The following NFIB variants were observed in gnomAD, a reference collection of about 807,000 sequenced individuals.
The protein encoded by NFIB is nuclear factor I B.
Under a neutral mutation model 61.5 loss-of-function variants are expected in NFIB, and 11 were observed. That is an observed-to-expected ratio of 0.18 (90% CI 0.11 to 0.30). The LOEUF (loss-of-function observed/expected upper bound fraction) is 0.30, where lower values mean the gene tolerates loss of function less well. Ranked by LOEUF, NFIB falls within the 10% of genes least tolerant of loss-of-function variation. The pLI is 1.00. For missense variants in NFIB, 471 were observed against 608.9 expected, an observed-to-expected ratio of 0.77 and a Z score of 2.38; for synonymous variants, 260 against 216.5, an observed-to-expected ratio of 1.20 and a Z score of -1.76.
At chr9:14,315,448 A>C (rs1383143650), upstream of NFIB, among the ~76,000 whole-genome samples, 2 of 145,580 alleles carry the variant, frequency 1.4e-5, no homozygotes, top group African/African-American at 5.0e-5. Flanking sequence ...CTGGCTCCCA[A>C]TCCCCACCCC....
chr9:14,151,321 G>A (rs939072539), intron 4 of NFIB, among the ~76,000 whole-genome samples: 38 of 152,076 alleles, frequency 2.5e-4, no homozygotes, highest in African/African-American at 8.9e-4. Context: ...AGAGGAAGAG[G>A]TATAAATGAA....
At chr9:14,264,387 A>T (rs944247340) in intron 2 of NFIB, among the ~76,000 whole-genome samples, 8 of 152,320 alleles carry the variant, frequency 5.3e-5, no homozygotes, top group African/African-American at 1.9e-4. Flanking sequence ...ATTCAAAAGT[A>T]CGTGCCCAAT....
intron 1 of NFIB, among the ~76,000 whole-genome samples, chr9:14,350,444 G>A (rs1159117867): frequency 6.9e-5 from 10 of 145,580 alleles, no homozygotes; most frequent in Non-Finnish European, 1.5e-4. Flanking sequence ...GTTGCTACCT[G>A]CCCTTGCCTC....
At chr9:14,417,533 T>C in the NFIB span, among the ~76,000 whole-genome samples, 21 of 152,292 alleles carry the variant, frequency 1.4e-4, no homozygotes, top group African/African-American at 4.6e-4. Flanking sequence ...TGCAGTGAAG[T>C]AGTTGGGCTG....
intron 2 of NFIB, among the ~76,000 whole-genome samples, chr9:14,251,678 A>G (rs928062537): frequency 3.9e-5 from 6 of 152,202 alleles, no homozygotes; most frequent in Admixed American, 2.0e-4. Flanking sequence ...GGGCCACTGG[A>G]GCCTCCTGCA....
At chr9:14,524,692 G>A in the NFIB span, among the ~76,000 whole-genome samples, 1 of 152,092 alleles carries the variant, frequency 6.6e-6, no homozygotes, top group Non-Finnish European at 1.5e-5. Context: ...GTTATCTGAA[G>A]GATTAATACT....
At chr9:14,249,736 G>A (rs1478428085) in intron 2 of NFIB, among the ~76,000 whole-genome samples, 1 of 152,046 alleles carries the variant, frequency 6.6e-6, no homozygotes, top group Non-Finnish European at 1.5e-5. Context: ...AAGAAATGAG[G>A]AAGGAGGGAG....
the NFIB span, among the ~76,000 whole-genome samples, chr9:14,440,804 T>A: frequency 5.3e-3 from 808 of 152,308 alleles, 3 homozygotes; most frequent in South Asian, 0.03. Flanking sequence ...AAGTTTATAA[T>A]CTGGGAACAT....
At chr9:14,222,795 C>CA (rs58787088) in intron 2 of NFIB, among the ~76,000 whole-genome samples, 7 of 86,770 alleles carry the variant, frequency 8.1e-5, no homozygotes, top group East Asian at 3.1e-4. Flanking sequence ...GATCCTGTCT[C>CA]AAAAAAAAAA....
At chr9:14,428,685 C>G in the NFIB span, among the ~76,000 whole-genome samples, 5 of 152,200 alleles carry the variant, frequency 3.3e-5, no homozygotes, top group African/African-American at 1.2e-4. Context: ...GCCTCAAAGC[C>G]TTTGAACGTT....
chr9:14,184,076 C>A (rs989428385), intron 2 of NFIB, among the ~76,000 whole-genome samples: 1 of 126,192 alleles, frequency 7.9e-6, no homozygotes, highest in Non-Finnish European at 1.7e-5. Context: ...GTCAATCTCT[C>A]GTGGCTCTTC....
Position 14,120,649 on chromosome 9 carries a change from T to A in NFIB, c.1061-25A>T, listed in dbSNP as rs757746540. On this transcript the variant is annotated intron_variant, in intron 7 of 10. Coordinates refer to ENST00000380953, the MANE Select transcript of NFIB (RefSeq NM_001190737.2). The surrounding 1 kb of genome is among the most constrained non-coding windows in gnomAD (Gnocchi z 4.4). ...ACTGCAGAAGACAGAAAAGGAAAGA[T>A]TGACTCATCAGCTGGTTACCTTATT... 3.2e-6 allele frequency: 5 copies of A among 1,569,496 alleles called. No individual in the cohort carries two copies. In the East Asian group the frequency reaches 9.0e-5, roughly 28 times the overall value.
the NFIB span, among the ~76,000 whole-genome samples, chr9:14,412,719 C>A: frequency 6.6e-6 from 1 of 152,130 alleles, no homozygotes; most frequent in Non-Finnish European, 1.5e-5. Context: ...CCAAGAGATG[C>A]AGACTGTGAA....
At chr9:14,510,378 T>C in the NFIB span, among the ~76,000 whole-genome samples, 1 of 152,082 alleles carries the variant, frequency 6.6e-6, no homozygotes, top group Non-Finnish European at 1.5e-5. Context: ...AGACCAGAAA[T>C]CCACCCCACA....
At chr9:14,467,688 A>G in the NFIB span, among the ~76,000 whole-genome samples, 2 of 152,336 alleles carry the variant, frequency 1.3e-5, no homozygotes, top group South Asian at 2.1e-4. Flanking sequence ...TATTCATTCA[A>G]TAAATACTTA....
At chr9:14,110,771 T>C (rs1296231857) in intron 10 of NFIB, among the ~76,000 whole-genome samples, 2 of 152,142 alleles carry the variant, frequency 1.3e-5, no homozygotes, top group Non-Finnish European at 2.9e-5. Context: ...GAATAGGCTT[T>C]TGACTCTAGC....
At chr9:14,138,218 G>A (rs990714635) in intron 6 of NFIB, among the ~76,000 whole-genome samples, 4 of 152,104 alleles carry the variant, frequency 2.6e-5, no homozygotes, top group African/African-American at 9.7e-5. Context: ...CCAAGCACCT[G>A]ACAGAAAGGA....
chr9:14,116,465 A>G, intron 8 of NFIB, 119 bp from the exon 9 acceptor site: 2 of 1,070,822 alleles, frequency 1.9e-6, no homozygotes, highest in African/African-American at 1.6e-5. Context: ...GGCGCCACAC[A>G]GGCCCTCTCG....
chr9:14,148,657 A>C (rs75406306), intron 5 of NFIB, among the ~76,000 whole-genome samples: 3,384 of 152,224 alleles, frequency 0.022, 60 homozygotes, highest in Non-Finnish European at 0.032. Flanking sequence ...GTCAGACATA[A>C]GGTAAGGACG....
Sources: gnomAD v4.1 joint callset for allele counts (sites outside exome capture counted in the v4.1 genomes callset) on GRCh38, gnomAD v4.1.1 for gene constraint, Gnocchi (gnomAD v3.1) non-coding constraint, MANE v1.5 for transcripts, NCBI Gene and HGNC (gene_info 2026-07-23, HGNC 2026-07-21) for gene names.